ANO5: variants seen among roughly 807,000 people sequenced by gnomAD.
ANO5 encodes the protein anoctamin-5.
Under a neutral mutation model 121.0 loss-of-function variants are expected in ANO5, and 109 were observed. That is an observed-to-expected ratio of 0.90 (90% CI 0.77 to 1.06). The LOEUF is 1.06. ANO5 is among the 50% of genes least tolerant of loss of function. The pLI is 0.00. For synonymous variants in ANO5, 406 were observed against 359.9 expected, an observed-to-expected ratio of 1.13 and a Z score of -1.45; for missense variants, 1,064 against 1,078.5, an observed-to-expected ratio of 0.99 and a Z score of 0.19.
chr11:22,236,409 G>C, intron 8 of ANO5, 133 bp downstream of exon 8: 3 of 739,416 alleles, frequency 4.1e-6, no homozygotes, highest in Non-Finnish European at 7.2e-6. Context: ...AAGACTTCTT[G>C]GTTCTGAGCT....
At chr11:22,274,533 G>A (rs1289685824) in intron 19 of ANO5, 36 bp from the exon 20 acceptor site, 3 of 1,538,124 alleles carry the variant, frequency 2.0e-6, no homozygotes, top group Admixed American at 2.0e-5. Flanking sequence ...TAAATTGGCA[G>A]CTGATGATCT....
Position 22,221,092 on chromosome 11 carries a change from T to C in ANO5, c.181-5T>C, listed in dbSNP as rs765995011. On this transcript the variant is annotated splice_region_variant and splice_polypyrimidine_tract_variant and intron_variant, in intron 4 of 21. Coordinates refer to ENST00000324559, the MANE Select transcript of ANO5 (RefSeq NM_213599.3). ...TTACAATTGTGTCATTTATGTCTCC[T>C]GCAGTTTCAAAAAAATCAGCAAAGC... 1.9e-6 allele frequency: 3 copies of C among 1,594,774 alleles called. No homozygotes were observed. Among genetic ancestry groups the C allele is most frequent in the Non-Finnish European group, 2.6e-6 (3 of 1,163,450 alleles).
At chr11:22,239,829 T>C (rs906178259) in intron 9 of ANO5, 145 bp downstream of exon 9, 55 of 675,468 alleles carry the variant, frequency 8.1e-5, no homozygotes, top group Non-Finnish European at 2.6e-5. Context: ...AATTAGCAAT[T>C]CATTTAGGAG....
chr11:22,228,996 A>G (rs781724695), intron 7 of ANO5, among the ~76,000 whole-genome samples: 1 of 151,966 alleles, frequency 6.6e-6, no homozygotes, highest in Non-Finnish European at 1.5e-5. Context: ...GCATATACCC[A>G]GTAATGGGAT....
chr11:22,219,391 A>G (rs1378667776), intron 4 of ANO5, among the ~76,000 whole-genome samples: 1 of 151,964 alleles, frequency 6.6e-6, no homozygotes. Context: ...ATACGTGCAC[A>G]TGTTCTGTTA....
At chr11:22,208,018 A>G (rs1236388112) in intron 2 of ANO5, among the ~76,000 whole-genome samples, 1 of 152,046 alleles carries the variant, frequency 6.6e-6, no homozygotes, top group Non-Finnish European at 1.5e-5. Flanking sequence ...AATATAAAAT[A>G]GTGACAATAC....
chr11:22,271,628 A>T (rs1251844468), intron 18 of ANO5, among the ~76,000 whole-genome samples: 5 of 152,184 alleles, frequency 3.3e-5, no homozygotes, highest in African/African-American at 1.2e-4. Flanking sequence ...AGTTGAAACA[A>T]AGGTTTCATA....
chr11:22,221,179 A>G lies in ANO5; in HGVS notation c.263A>G (p.Asp88Gly), dbSNP rs1206860357. 75 of 1,611,560 alleles carry G rather than the reference A, an allele frequency of 4.7e-5. No homozygotes were observed. Among genetic ancestry groups the G allele is most frequent in the Non-Finnish European group, 5.9e-5 (70 of 1,178,414 alleles). The change falls in exon 5 of 22, where the codon GAT (aspartate) becomes GGT (glycine). Residue 88 changes from aspartate to glycine, a missense_variant. Asp to Gly is a moderately conservative substitution (Grantham distance 94). Coordinates refer to ENST00000324559, the MANE Select transcript of ANO5 (RefSeq NM_213599.3). The stretch of plus-strand genomic sequence containing the variant: ...ATTGATTTTGTGCTTTCCTACGTTG[A>G]TGATGTAAAGAAAGACGCAGAGTTA... ...RQIDFVLSYV[D>G]DVKKDAELKA...
Position 22,250,737 on chromosome 11 carries a change from G to T in ANO5, c.1014-4G>T, listed in dbSNP as rs1339395980. The T allele has an allele frequency of 6.2e-7, 1 of 1,613,480 alleles. No homozygotes were observed. ...GTTCAATAACTTTGCTGTTCCTCTT[G>T]CAGCACTGAAATCTGTGACCCTGAG... On this transcript the variant is annotated splice_polypyrimidine_tract_variant and splice_region_variant and intron_variant, in intron 10 of 21. Coordinates refer to ENST00000324559, the MANE Select transcript of ANO5 (RefSeq NM_213599.3).
At chr11:22,277,246 A>T (rs764456037) in intron 21 of ANO5, among the ~76,000 whole-genome samples, 1 of 151,660 alleles carries the variant, frequency 6.6e-6, no homozygotes, top group East Asian at 1.9e-4. Flanking sequence ...CTCAATAATT[A>T]AAGCATATTT....
intron 6 of ANO5, among the ~76,000 whole-genome samples, 163 bp downstream of exon 6, chr11:22,226,215 G>A (rs1046170563): frequency 7.2e-5 from 11 of 152,194 alleles, no homozygotes; most frequent in Admixed American, 2.0e-4. Context: ...TTACAGGTAA[G>A]TAGATGAGTA....
At chr11:22,257,805 G>T (rs1053281479) in intron 14 of ANO5, 51 bp downstream of exon 14, 1 of 1,454,460 alleles carries the variant, frequency 6.9e-7, no homozygotes, top group South Asian at 1.1e-5. Flanking sequence ...GTGATTAAAT[G>T]AGCTATCTCA....
In ANO5 at chr11:22,250,853, A is replaced by T; in HGVS notation, c.1119+7A>T. The T allele has an allele frequency of 6.2e-7, 1 of 1,612,878 alleles. No homozygotes were observed. Among genetic ancestry groups the T allele is most frequent in the Non-Finnish European group, 8.5e-7 (1 of 1,178,922 alleles). ...TACGTGTTTGGCTTCAAAGGTATGT[A>T]TGCATTGTAACATGTTGAAAAGACT... is the stretch of plus-strand genomic sequence containing the variant. On this transcript the variant is annotated splice_region_variant and intron_variant, in intron 11 of 21. Coordinates refer to ENST00000324559, the MANE Select transcript of ANO5 (RefSeq NM_213599.3).
chr11:22,211,933 T>C (rs1377827574), intron 3 of ANO5, among the ~76,000 whole-genome samples: 1 of 151,876 alleles, frequency 6.6e-6, no homozygotes, highest in Non-Finnish European at 1.5e-5. Flanking sequence ...GGAATGAGGA[T>C]TGTGATATTG....
intron 17 of ANO5, among the ~76,000 whole-genome samples, chr11:22,265,626 TA>T (rs1236681673): frequency 6.6e-6 from 1 of 152,136 alleles, no homozygotes; most frequent in Non-Finnish European, 1.5e-5. Flanking sequence ...TAAAACTATA[TA>T]AATGGAGAGA....
intron 7 of ANO5, among the ~76,000 whole-genome samples, chr11:22,232,356 C>G (rs938185922): frequency 6.6e-6 from 1 of 151,884 alleles, no homozygotes; most frequent in African/African-American, 2.4e-5. Context: ...AGTCTCTGGT[C>G]TGTTTTCAAT....
chr11:22,234,430 A>G (rs1853147531), intron 7 of ANO5, among the ~76,000 whole-genome samples: 1 of 152,162 alleles, frequency 6.6e-6, no homozygotes, highest in Non-Finnish European at 1.5e-5. Flanking sequence ...CACAAGCTTC[A>G]TCATAAATTT....
chr11:22,278,240 A>C lies in ANO5; in HGVS notation c.2521-1304A>C, dbSNP rs184197338. ...AAGCTTCACAAGATGGTTCTTTGCT[A>C]TTTGTCAATATTCATTGTTTTAAAC... is the stretch of plus-strand genomic sequence containing the variant. On this transcript the variant is annotated intron_variant, in intron 21 of 21. Transcript: ENST00000324559. 6.7e-3 allele frequency among the ~76,000 whole-genome samples: 1,018 copies of C among 151,664 alleles called. 5 individuals are homozygous for C. Among genetic ancestry groups the C allele is most frequent in the Non-Finnish European group, 0.011 (729 of 67,622 alleles).
chr11:22,211,203 G>T lies in ANO5; in HGVS notation c.88-61G>T, dbSNP rs556079080. Reference sequence around the variant, plus strand: ...ACAGAGTTGTTACTGAAACTTAAAAGCACCCTTTGCTCCACCTGCACTATT... The same window carrying T: ...ACAGAGTTGTTACTGAAACTTAAAATCACCCTTTGCTCCACCTGCACTATT... On this transcript the variant is annotated intron_variant, in intron 2 of 21. Transcript: ENST00000324559. The T allele has an allele frequency of 7.0e-5, 109 of 1,559,576 alleles. No homozygotes were observed. In the East Asian group the frequency reaches 2.4e-3, roughly 34 times the overall value.
Sources: allele counts gnomAD v4.1 joint callset (sites outside exome capture counted in the v4.1 genomes callset), GRCh38; gene constraint gnomAD v4.1.1; transcripts MANE v1.5; gene names NCBI Gene and HGNC (gene_info 2026-07-23, HGNC 2026-07-21).